The following LDB2 variants were observed in gnomAD, a reference collection of about 807,000 sequenced individuals.
The protein encoded by LDB2 is LIM domain binding 2, also known as LIM domain-binding protein 2.
Under a neutral mutation model 44.3 loss-of-function variants are expected in LDB2, and 12 were observed. That is an observed-to-expected ratio of 0.27 (90% CI 0.17 to 0.44). The LOEUF (loss-of-function observed/expected upper bound fraction) is 0.44, where lower values mean the gene tolerates loss of function less well. Ranked by LOEUF, LDB2 falls within the 20% of genes least tolerant of loss-of-function variation. The probability of loss-of-function intolerance (pLI) is 1.00; values close to 1 mark genes in which losing one functional copy is unlikely to be tolerated. For synonymous variants in LDB2, 164 were observed against 174.8 expected (o/e 0.94, Z 0.49); for missense variants, 344 against 473.5 (o/e 0.73, Z 2.54).
intron 1 of LDB2, among the ~76,000 whole-genome samples, chr4:16,888,466 T>C (rs1206873282): frequency 6.6e-6 from 1 of 152,144 alleles, no homozygotes; most frequent in Non-Finnish European, 1.5e-5. Context: ...TCCTCTCACA[T>C]AACAAGGTAT....
intron 1 of LDB2, among the ~76,000 whole-genome samples, chr4:16,850,577 T>C (rs2110179994): frequency 6.6e-6 from 1 of 152,134 alleles, no homozygotes; most frequent in East Asian, 1.9e-4. Flanking sequence ...GTCTAAGAAT[T>C]AAAAAGTAAC....
chr4:16,621,180 C>T (rs1728779037), intron 2 of LDB2, among the ~76,000 whole-genome samples: 1 of 152,202 alleles, frequency 6.6e-6, no homozygotes, highest in Non-Finnish European at 1.5e-5. Context: ...GGGAGCATAT[C>T]TCTGAGGTCA....
At chr4:16,536,598 T>C (rs1350787025) in intron 5 of LDB2, among the ~76,000 whole-genome samples, 1 of 152,196 alleles carries the variant, frequency 6.6e-6, no homozygotes, top group Non-Finnish European at 1.5e-5. Context: ...AATTGTACTA[T>C]GGAATGAGCA....
intron 1 of LDB2, among the ~76,000 whole-genome samples, chr4:16,878,179 G>A (rs546094734): frequency 1.5e-4 from 23 of 152,314 alleles, no homozygotes; most frequent in South Asian, 4.1e-4. Flanking sequence ...GAAGTTGGAC[G>A]TGGAGAATTG....
chr4:16,850,947 A>AGTGTGTGTGCGT (rs1554048719), intron 1 of LDB2, among the ~76,000 whole-genome samples: 1 of 143,072 alleles, frequency 7.0e-6, no homozygotes, highest in Non-Finnish European at 1.5e-5. Context: ...TAAAACCATA[A>AGTGTGTGTGCGT]GTGTGTGTGT....
chr4:16,528,440 C>G (rs1236616566), intron 5 of LDB2, among the ~76,000 whole-genome samples: 1 of 152,170 alleles, frequency 6.6e-6, no homozygotes, highest in Non-Finnish European at 1.5e-5. Flanking sequence ...TTGCACCAAC[C>G]TAATGGATTA....
intron 2 of LDB2, among the ~76,000 whole-genome samples, chr4:16,740,508 T>A (rs1271870053): frequency 6.6e-6 from 1 of 152,212 alleles, no homozygotes; most frequent in Non-Finnish European, 1.5e-5. Context: ...TCCCTCCATA[T>A]CCTTTGCCCT....
chr4:16,892,368 T>C (rs185291577), intron 1 of LDB2, among the ~76,000 whole-genome samples: 4 of 152,218 alleles, frequency 2.6e-5, no homozygotes, highest in Non-Finnish European at 5.9e-5. Context: ...TAAGCATTAA[T>C]AGTTGCCTAG....
intron 2 of LDB2, among the ~76,000 whole-genome samples, chr4:16,601,981 T>C (rs559465022): frequency 1.3e-5 from 2 of 152,272 alleles, no homozygotes; most frequent in South Asian, 2.1e-4. Flanking sequence ...TTGTTGTTCT[T>C]GGTGAAGGGA....
intron 2 of LDB2, among the ~76,000 whole-genome samples, chr4:16,703,201 A>G (rs111774420): frequency 6.6e-6 from 1 of 152,354 alleles, no homozygotes; most frequent in African/African-American, 2.4e-5. Flanking sequence ...ATGACCTGGT[A>G]AAAAGTAAGG....
chr4:16,869,834 G>C (rs1347981763), intron 1 of LDB2, among the ~76,000 whole-genome samples: 4 of 152,144 alleles, frequency 2.6e-5, no homozygotes, highest in Admixed American at 2.0e-4. Flanking sequence ...AAGTATTTGA[G>C]GAACATCCTG....
At chr4:16,766,467 TATG>T (rs1554009553) in intron 1 of LDB2, among the ~76,000 whole-genome samples, 4 of 75,558 alleles carry the variant, frequency 5.3e-5, no homozygotes, top group Non-Finnish European at 8.3e-5. Context: ...CACACACATA[TATG>T]TGTGTGTGTG....
intron 1 of LDB2, among the ~76,000 whole-genome samples, chr4:16,762,966 G>A (rs541155168): frequency 1.3e-5 from 2 of 152,094 alleles, no homozygotes; most frequent in Non-Finnish European, 2.9e-5. Flanking sequence ...ATCCAAGAAT[G>A]AGAAATGTCA....
intron 1 of LDB2, among the ~76,000 whole-genome samples, chr4:16,878,762 A>G (rs1719168169): frequency 6.6e-6 from 1 of 152,156 alleles, no homozygotes; most frequent in African/African-American, 2.4e-5. Context: ...TGTGCTTACT[A>G]TTATTCTTTT....
chr4:16,815,729 A>T (rs1011212701), intron 1 of LDB2, among the ~76,000 whole-genome samples: 2 of 152,172 alleles, frequency 1.3e-5, no homozygotes, highest in African/African-American at 4.8e-5. Context: ...CAGCTCCCCT[A>T]GGTTTCTGCT....
chr4:16,644,146 A>C (rs922351737), intron 2 of LDB2, among the ~76,000 whole-genome samples: 1 of 152,230 alleles, frequency 6.6e-6, no homozygotes, highest in Non-Finnish European at 1.5e-5. Context: ...CGTTTGAAGA[A>C]GCTCTGTTTA....
chr4:16,608,998 A>T (rs988139166), intron 2 of LDB2, among the ~76,000 whole-genome samples: 5 of 152,292 alleles, frequency 3.3e-5, no homozygotes, highest in Admixed American at 2.6e-4. Flanking sequence ...GGAGGCTCCC[A>T]TAGAAAAAAC....
intron 2 of LDB2, among the ~76,000 whole-genome samples, chr4:16,745,272 T>C (rs1038213385): frequency 2.0e-5 from 3 of 152,146 alleles, no homozygotes; most frequent in Non-Finnish European, 4.4e-5. Flanking sequence ...CACATCTCAG[T>C]TCCTGTTGGT....
intron 2 of LDB2, among the ~76,000 whole-genome samples, chr4:16,713,278 C>A (rs182548862): frequency 6.6e-6 from 1 of 152,208 alleles, no homozygotes; most frequent in East Asian, 1.9e-4. Context: ...TTGCACAACT[C>A]TGTAAATATG....
Sources: allele counts gnomAD v4.1 joint callset (sites outside exome capture counted in the v4.1 genomes callset), GRCh38; gene constraint gnomAD v4.1.1; transcripts MANE v1.5; gene names NCBI Gene and HGNC (gene_info 2026-07-23, HGNC 2026-07-21).